Variants in GLIS3 observed in about 807,000 individuals in gnomAD.
The protein encoded by GLIS3 is zinc finger protein GLIS3.
A neutral mutation model predicts 78.6 loss-of-function variants in GLIS3; 53 were observed. That is an observed-to-expected ratio of 0.67 (90% CI 0.54 to 0.85). The LOEUF is 0.85. Among genes scored for constraint, GLIS3 ranks in the 40% least tolerant of loss-of-function variants. The pLI is 0.00. For synonymous variants in GLIS3, 684 were observed against 509.9 expected, an observed-to-expected ratio of 1.34 and a Z score of -4.60; for missense variants, 1,703 against 1,231.1, an observed-to-expected ratio of 1.38 and a Z score of -5.74.
intron 7 of GLIS3, among the ~76,000 whole-genome samples, chr9:3,892,326 G>A (rs1822521056): frequency 6.6e-6 from 1 of 152,188 alleles, no homozygotes; most frequent in African/African-American, 2.4e-5. Context: ...TGCAACTTCT[G>A]ATGAATCAAT....
At chr9:4,351,875 A>G (rs567905407), upstream of GLIS3, among the ~76,000 whole-genome samples, 1 of 152,180 alleles carries the variant, frequency 6.6e-6, no homozygotes, top group Non-Finnish European at 1.5e-5. Flanking sequence ...TTAAAAAAAA[A>G]ATGCACACAG....
chr9:4,465,548 C>CA, the GLIS3 span, among the ~76,000 whole-genome samples: 17 of 150,440 alleles, frequency 1.1e-4, no homozygotes, highest in African/African-American at 3.2e-4. Context: ...GACTCCGACT[C>CA]AAAAAAATAT....
At chr9:3,917,056 T>G (rs893556120) in intron 6 of GLIS3, among the ~76,000 whole-genome samples, 1 of 152,180 alleles carries the variant, frequency 6.6e-6, no homozygotes, top group African/African-American at 2.4e-5. Flanking sequence ...TAAGGGTCCC[T>G]GGGAATTTCT....
At chr9:3,885,905 T>C (rs1206401016) in intron 7 of GLIS3, among the ~76,000 whole-genome samples, 1 of 152,232 alleles carries the variant, frequency 6.6e-6, no homozygotes, top group African/African-American at 2.4e-5. Flanking sequence ...GCCTTAGCTA[T>C]TAATAGCAAT....
chr9:4,242,009 A>C (rs1823367860), intron 2 of GLIS3, among the ~76,000 whole-genome samples: 1 of 152,178 alleles, frequency 6.6e-6, no homozygotes, highest in African/African-American at 2.4e-5. Flanking sequence ...TTTAATACAG[A>C]AATCATATTA....
intron 8 of GLIS3, among the ~76,000 whole-genome samples, chr9:3,861,716 A>G (rs777582570): frequency 6.6e-6 from 1 of 152,210 alleles, no homozygotes; most frequent in Non-Finnish European, 1.5e-5. Flanking sequence ...GTTCTCACTT[A>G]TAAGTGGGAG....
intron 4 of GLIS3, among the ~76,000 whole-genome samples, chr9:3,976,835 A>G (rs1414042829): frequency 7.7e-6 from 1 of 130,072 alleles, no homozygotes. Context: ...AAAAAAAAAA[A>G]AAAAAAAATC....
the GLIS3 span, among the ~76,000 whole-genome samples, chr9:4,368,889 G>A: frequency 1.3e-5 from 2 of 152,090 alleles, no homozygotes; most frequent in East Asian, 1.9e-4. Context: ...GGCAATTTTG[G>A]TATTAAAAGA....
chr9:4,032,437 C>T (rs1007045924), intron 4 of GLIS3, among the ~76,000 whole-genome samples: 4 of 151,542 alleles, frequency 2.6e-5, no homozygotes, highest in Non-Finnish European at 5.9e-5. Context: ...GCATAGAATG[C>T]TTTTTTTTCA....
intron 2 of GLIS3, among the ~76,000 whole-genome samples, chr9:4,138,107 C>T (rs1377860045): frequency 2.0e-5 from 3 of 152,176 alleles, no homozygotes; most frequent in African/African-American, 7.2e-5. Flanking sequence ...TCTTGCCTAC[C>T]ATCTAATTTA....
At chr9:3,978,166 C>A (rs539237427) in intron 4 of GLIS3, among the ~76,000 whole-genome samples, 1 of 151,718 alleles carries the variant, frequency 6.6e-6, no homozygotes, top group Admixed American at 6.6e-5. Flanking sequence ...TACAGGAAAG[C>A]GGATGGTAAT....
chr9:4,326,600 G>C (rs956637907), intron 2 of GLIS3, among the ~76,000 whole-genome samples: 1 of 152,222 alleles, frequency 6.6e-6, no homozygotes, highest in Non-Finnish European at 1.5e-5. Context: ...GATGAAAAAT[G>C]CTGGAGAGCG....
chr9:4,386,744 T>C, the GLIS3 span, among the ~76,000 whole-genome samples: 1 of 152,234 alleles, frequency 6.6e-6, no homozygotes, highest in African/African-American at 2.4e-5. Context: ...AGTCATTTAC[T>C]TGGCTCTATT....
chr9:4,261,898 C>T (rs762401047), intron 2 of GLIS3, among the ~76,000 whole-genome samples: 8 of 152,160 alleles, frequency 5.3e-5, no homozygotes, highest in Non-Finnish European at 1.0e-4. Flanking sequence ...TATAGCACAT[C>T]GCAACTAGTG....
chr9:4,250,713 AT>A (rs1328068351), intron 2 of GLIS3, among the ~76,000 whole-genome samples: 2 of 152,134 alleles, frequency 1.3e-5, no homozygotes, highest in African/African-American at 4.8e-5. Context: ...TAGGGTGTCA[AT>A]TTTAAATCTT....
At position 3,953,219 on chromosome 9, in the gene GLIS3, G is replaced by T. The variant is rs563882070; in HGVS notation, c.1711-16030C>A. ...AGGCAGGGGAAAAAAAATGAACTTG[G>T]ATTTTCCATAGGGTATTCTTTTTAT... On this transcript the variant is annotated intron_variant, in intron 4 of 10. Transcript: ENST00000381971. Among the ~76,000 whole-genome samples, 32 of 152,240 alleles carry T rather than the reference G, an allele frequency of 2.1e-4. No individual in the cohort carries two copies. The South Asian group carries it at 6.4e-3, about 31-fold the overall frequency.
intron 4 of GLIS3, among the ~76,000 whole-genome samples, chr9:4,102,603 T>A (rs111443939): frequency 4.8e-4 from 73 of 152,192 alleles, no homozygotes; most frequent in African/African-American, 1.6e-3. Context: ...ACAGAGCCCT[T>A]CATCAACAAA....
chr9:4,127,783 AT>A (rs58545764), intron 2 of GLIS3, among the ~76,000 whole-genome samples: 52,655 of 151,974 alleles, frequency 0.35, 9,463 homozygotes, highest in Non-Finnish European at 0.38. Context: ...ATTCTGTCAA[AT>A]TTAATGTCAT....
At chr9:3,961,763 G>C (rs191119741) in intron 4 of GLIS3, among the ~76,000 whole-genome samples, 17 of 152,290 alleles carry the variant, frequency 1.1e-4, no homozygotes, top group African/African-American at 4.1e-4. Context: ...AAGTTGAGGG[G>C]ATCTTCGCTG....
Sources: allele counts gnomAD v4.1 joint callset (sites outside exome capture counted in the v4.1 genomes callset), GRCh38; gene constraint gnomAD v4.1.1; transcripts MANE v1.5; gene names NCBI Gene and HGNC (gene_info 2026-07-23, HGNC 2026-07-21).